The following MICAL2 variants were observed in gnomAD, a reference collection of about 807,000 sequenced individuals.
The protein encoded by MICAL2 is microtubule associated monooxygenase, calponin and LIM domain containing 2.
MICAL2 carries 77 observed loss-of-function variants against 127.3 expected under a neutral mutation model. The ratio of observed to expected loss-of-function variants is 0.60; its 90% CI spans 0.50 to 0.73. The LOEUF is 0.73. MICAL2 is among the 30% of genes least tolerant of loss of function. The pLI is 0.00. For synonymous variants in MICAL2, 570 were observed against 551.1 expected (o/e 1.03, Z -0.48); for missense variants, 1,351 against 1,434.4 (o/e 0.94, Z 0.94).
intron 1 of MICAL2, among the ~76,000 whole-genome samples, chr11:12,124,836 C>G (rs633873): frequency 5.3e-5 from 8 of 152,192 alleles, no homozygotes; most frequent in Admixed American, 5.2e-4. Context: ...CACTTGAAGT[C>G]TGTGTTCTTT....
intron 3 of MICAL2, among the ~76,000 whole-genome samples, chr11:12,180,347 ATAT>A (rs1565107942): frequency 7.6e-5 from 10 of 131,248 alleles, no homozygotes; most frequent in Admixed American, 2.2e-4. Flanking sequence ...ATATATGTAT[ATAT>A]TTTTTTTTTG....
chr11:12,152,297 C>CAAAAA (rs540812572), intron 2 of MICAL2, among the ~76,000 whole-genome samples: 9 of 38,392 alleles, frequency 2.3e-4, no homozygotes, highest in African/African-American at 4.3e-4. Context: ...GACTCTGTCT[C>CAAAAA]AAAAAAAAAA....
At chr11:12,164,933 G>A (rs907419692) in intron 3 of MICAL2, among the ~76,000 whole-genome samples, 2 of 152,056 alleles carry the variant, frequency 1.3e-5, no homozygotes, top group South Asian at 2.1e-4. Flanking sequence ...TCAGGAGTTC[G>A]AGATCAGCCT....
At chr11:12,307,094 A>C (rs1864120437) in intron 29 of MICAL2, among the ~76,000 whole-genome samples, 1 of 152,228 alleles carries the variant, frequency 6.6e-6, no homozygotes, top group African/African-American at 2.4e-5. Flanking sequence ...GTTACTGTAC[A>C]TCCATGCTAA....
intron 3 of MICAL2, among the ~76,000 whole-genome samples, chr11:12,165,917 C>T (rs1855458465): frequency 6.6e-6 from 1 of 152,148 alleles, no homozygotes; most frequent in Non-Finnish European, 1.5e-5. Flanking sequence ...GTATTATTGG[C>T]ACTGAATATT....
chr11:12,209,787 G>A lies in MICAL2; in HGVS notation c.691+189G>A, dbSNP rs191854893. On this transcript the variant is annotated intron_variant, in intron 6 of 27. Coordinates refer to ENST00000683283, the MANE Select transcript of MICAL2 (RefSeq NM_001282663.2). ...CACCTGTGGGGTGGGCAGTTCAGGG[G>A]ACAGCCATCTCATTCCGTCTGAACC... 5.3e-5 allele frequency among the ~76,000 whole-genome samples: 8 copies of A among 152,252 alleles called. No homozygotes were observed. The East Asian group carries it at 1.5e-3, about 29-fold the overall frequency.
chr11:12,118,321 T>C (rs1383707689), intron 1 of MICAL2, among the ~76,000 whole-genome samples: 1 of 152,202 alleles, frequency 6.6e-6, no homozygotes, highest in African/African-American at 2.4e-5. Context: ...ACATCTCCCT[T>C]CTTTCCCTGT....
chr11:12,137,766 G>A (rs1851968040), intron 1 of MICAL2, among the ~76,000 whole-genome samples: 1 of 152,182 alleles, frequency 6.6e-6, no homozygotes, highest in African/African-American at 2.4e-5. Context: ...ATTTTTTAAT[G>A]TGGAAGTAAA....
At chr11:12,295,354 G>T (rs1295040885), downstream of MICAL2, among the ~76,000 whole-genome samples, 1 of 150,466 alleles carries the variant, frequency 6.6e-6, no homozygotes, top group Non-Finnish European at 1.5e-5. Flanking sequence ...TGGCCAGGCT[G>T]GTCTTAAACT....
downstream of MICAL2, chr11:12,292,181 A>G: frequency 6.2e-7 from 1 of 1,614,028 alleles, no homozygotes; most frequent in Non-Finnish European, 8.5e-7. Flanking sequence ...GTCACCTCCT[A>G]AGGACCCTTC....
At chr11:12,236,336 G>A in intron 16 of MICAL2, 91 bp downstream of exon 16, 2 of 1,156,408 alleles carry the variant, frequency 1.7e-6, no homozygotes, top group East Asian at 2.3e-5. Context: ...GCCTGGCCCT[G>A]TTCCTTCCCT....
chr11:12,156,887 T>TG (rs1181906052), intron 2 of MICAL2, among the ~76,000 whole-genome samples: 1 of 152,216 alleles, frequency 6.6e-6, no homozygotes, highest in Non-Finnish European at 1.5e-5. Context: ...CCTGCGAGTG[T>TG]GGGGGGAACA....
rs374183174 is a variant in MICAL2, at chr11:12,306,105, G to A, written c.5212+11248G>A. Among the ~76,000 whole-genome samples the A allele has an allele frequency of 1.2e-4, 18 of 152,256 alleles. No individual in the cohort carries two copies. In the East Asian group the frequency reaches 2.3e-3, roughly 20 times the overall value. ...AAAGAAAAATACTCGTAAGTATAGA[G>A]CTTTTCACACATTGAACACATACAT... On this transcript the variant is annotated intron_variant, in intron 29 of 34. Coordinates refer to the MICAL2 transcript ENST00000646065.
At chr11:12,350,327 C>T (rs1939024791) in intron 33 of MICAL2, among the ~76,000 whole-genome samples, 1 of 152,184 alleles carries the variant, frequency 6.6e-6, no homozygotes, top group Non-Finnish European at 1.5e-5. Context: ...TACCCCTGAC[C>T]ACTTCCTGTG....
intron 3 of MICAL2, among the ~76,000 whole-genome samples, chr11:12,182,972 C>T (rs1409148728): frequency 3.3e-5 from 5 of 152,292 alleles, no homozygotes; most frequent in Non-Finnish European, 5.9e-5. Flanking sequence ...TCGGTGGCCC[C>T]GCAGACCTGC....
At chr11:12,329,449 G>A (rs752281464) in intron 32 of MICAL2, among the ~76,000 whole-genome samples, 7 of 152,152 alleles carry the variant, frequency 4.6e-5, no homozygotes, top group African/African-American at 7.2e-5. Context: ...TCAGTTTGCC[G>A]CCAGCAACAC....
chr11:12,293,996 A>T, downstream of MICAL2: 1 of 1,614,158 alleles, frequency 6.2e-7, no homozygotes, highest in Non-Finnish European at 8.5e-7. Flanking sequence ...GGAGCAGAAG[A>T]CCATGTTGTT....
chr11:12,135,555 G>A (rs1851766914), intron 1 of MICAL2, among the ~76,000 whole-genome samples: 1 of 152,178 alleles, frequency 6.6e-6, no homozygotes, highest in Admixed American at 6.5e-5. Flanking sequence ...CTTCAGAGAA[G>A]CCCTATGAAG....
chr11:12,268,872 G>A (rs912739743), intron 24 of MICAL2, among the ~76,000 whole-genome samples: 4 of 151,806 alleles, frequency 2.6e-5, no homozygotes, highest in East Asian at 3.9e-4. Flanking sequence ...AGTGGCAGGC[G>A]CCTGTAGTCC....
Sources: allele counts gnomAD v4.1 joint callset (sites outside exome capture counted in the v4.1 genomes callset), GRCh38; gene constraint gnomAD v4.1.1; transcripts MANE v1.5; gene names NCBI Gene and HGNC (gene_info 2026-07-23, HGNC 2026-07-21).